Variants in PHF2 observed in about 807,000 individuals in gnomAD.
PHF2 encodes the protein lysine-specific demethylase PHF2.
A neutral mutation model predicts 120.5 loss-of-function variants in PHF2; 27 were observed. The observed-to-expected ratio is 0.22, with a 90% CI of 0.17 to 0.31. The LOEUF (loss-of-function observed/expected upper bound fraction) is 0.31, where lower values mean the gene tolerates loss of function less well. Ranked by LOEUF, PHF2 falls within the 10% of genes least tolerant of loss-of-function variation. The probability of loss-of-function intolerance (pLI) is 1.00; values close to 1 mark genes in which losing one functional copy is unlikely to be tolerated. For synonymous variants in PHF2, 568 were observed against 592.5 expected, an observed-to-expected ratio of 0.96 and a Z score of 0.60; for missense variants, 1,024 against 1,434.8, an observed-to-expected ratio of 0.71 and a Z score of 4.63.
At chr9:93,612,678 C>T (rs1414446828) in intron 1 of PHF2, among the ~76,000 whole-genome samples, 5 of 152,244 alleles carry the variant, frequency 3.3e-5, no homozygotes. Context: ...ACATATGACT[C>T]ATTTGCAAGC....
intron 6 of PHF2, 49 bp from the exon 7 acceptor site, chr9:93,654,364 A>T: frequency 6.3e-7 from 1 of 1,587,104 alleles, no homozygotes; most frequent in Non-Finnish European, 8.6e-7. Flanking sequence ...TGCACCCCCG[A>T]CCCCCGCATC....
chr9:93,630,778 G>A (rs1489740069), intron 2 of PHF2, among the ~76,000 whole-genome samples: 1 of 152,144 alleles, frequency 6.6e-6, no homozygotes, highest in Non-Finnish European at 1.5e-5. Context: ...ACTCGGGAGG[G>A]GTGTGGCCTG....
intron 1 of PHF2, among the ~76,000 whole-genome samples, chr9:93,585,107 A>G (rs1863014040): frequency 6.6e-6 from 1 of 152,254 alleles, no homozygotes; most frequent in African/African-American, 2.4e-5. Context: ...AGAACTGTAC[A>G]TGCGCAGGGT....
chr9:93,603,674 G>A (rs1825487000), intron 1 of PHF2, among the ~76,000 whole-genome samples: 1 of 152,122 alleles, frequency 6.6e-6, no homozygotes, highest in South Asian at 2.1e-4. Flanking sequence ...GACATGCTGG[G>A]TGCTACCCTA....
chr9:93,651,489 T>C (rs1168203526), intron 5 of PHF2, among the ~76,000 whole-genome samples: 1 of 152,140 alleles, frequency 6.6e-6, no homozygotes, highest in African/African-American at 2.4e-5. Context: ...TGGAGTGGGC[T>C]CTGCTTCATC....
intron 2 of PHF2, among the ~76,000 whole-genome samples, chr9:93,633,791 T>C (rs150305352): frequency 2.6e-5 from 4 of 152,182 alleles, no homozygotes; most frequent in East Asian, 1.9e-4. Context: ...ATAATGACCA[T>C]GCAGACAGGT....
At chr9:93,661,243 G>C (rs1478392860) in intron 12 of PHF2, among the ~76,000 whole-genome samples, 2 of 152,292 alleles carry the variant, frequency 1.3e-5, no homozygotes, top group African/African-American at 4.8e-5. Context: ...CATTGAGTGT[G>C]AGTTTCTGCC....
At chr9:93,619,372 C>T (rs777490661) in intron 1 of PHF2, among the ~76,000 whole-genome samples, 5 of 152,066 alleles carry the variant, frequency 3.3e-5, no homozygotes, top group East Asian at 1.9e-4. Flanking sequence ...GGGCCTGATT[C>T]GGCGTCCTGG....
intron 17 of PHF2, among the ~76,000 whole-genome samples, chr9:93,670,150 G>C (rs1225677213): frequency 2.0e-5 from 3 of 152,240 alleles, no homozygotes; most frequent in Non-Finnish European, 4.4e-5. Flanking sequence ...TGATGCTGAT[G>C]CAAGAGTCCT....
chr9:93,631,153 T>G (rs1825995672), intron 2 of PHF2, among the ~76,000 whole-genome samples: 1 of 152,196 alleles, frequency 6.6e-6, no homozygotes, highest in Non-Finnish European at 1.5e-5. Flanking sequence ...TTCTGTGAGC[T>G]GAGGCTGGGT....
In PHF2 at chr9:93,657,208, G is replaced by A. The variant is rs78763959; in HGVS notation, c.1147+613G>A. Among the ~76,000 whole-genome samples, 754 of 152,316 alleles carry A rather than the reference G, an allele frequency of 5.0e-3. 6 individuals are homozygous for A. The highest frequency in any genetic ancestry group is 0.016 in the African/African-American group (674 of 41,568). On this transcript the variant is annotated intron_variant, in intron 9 of 21. Coordinates refer to ENST00000359246, the MANE Select transcript of PHF2 (RefSeq NM_005392.4). ...CCTGCAGGAGAGTTTGCATTTATGC[G>A]TGATTTCCTTTCTCGGTGTGGTTGC...
At position 93,665,786 on chromosome 9, in the gene PHF2, G is replaced by A. The variant is rs1434809621; in HGVS notation, c.2038G>A (p.Val680Met). The A allele has an allele frequency of 6.2e-6, 10 of 1,613,976 alleles. No homozygotes were observed. The highest frequency in any genetic ancestry group is 2.2e-5 in the South Asian group (2 of 91,090). ...PKPVRDEYEY[V>M]SDDGELKIDE... ...GCCCGTGCGGGATGAGTATGAGTAC[G>A]TGTCGGATGACGGTGAGCTCAAGAT... Residue 680 changes from valine (V) to methionine (M), a missense_variant, in exon 15 of 22, where the codon GTG becomes ATG. By Grantham distance (21) the Val-to-Met change is conservative (BLOSUM62 1). Around this residue, in one of 2 missense-constraint regions of PHF2, gnomAD observed 677 missense variants for 857.4 expected, o/e 0.79. Transcript: ENST00000359246.
intron 17 of PHF2, 45 bp downstream of exon 17, chr9:93,667,285 G>A: frequency 6.3e-7 from 1 of 1,583,746 alleles, no homozygotes; most frequent in Non-Finnish European, 8.6e-7. Flanking sequence ...GGACCAGGCA[G>A]GCCCAGGGCT....
intron 1 of PHF2, among the ~76,000 whole-genome samples, chr9:93,599,883 T>C (rs1825407953): frequency 6.6e-6 from 1 of 152,210 alleles, no homozygotes; most frequent in East Asian, 1.9e-4. Flanking sequence ...GTTTGCTGAG[T>C]CTGGCCACCC....
intron 2 of PHF2, among the ~76,000 whole-genome samples, chr9:93,630,775 AG>A (rs1259060069): frequency 6.6e-6 from 1 of 151,970 alleles, no homozygotes; most frequent in African/African-American, 2.4e-5. Flanking sequence ...AGGACTCGGG[AG>A]GGGTGTGGCC....
At chr9:93,597,281 T>C (rs1029652432) in intron 1 of PHF2, among the ~76,000 whole-genome samples, 6 of 152,166 alleles carry the variant, frequency 3.9e-5, no homozygotes, top group Non-Finnish European at 7.4e-5. Context: ...GGAATCTGGC[T>C]AGGCTGCAGG....
rs748181432 is a variant in PHF2, at chr9:93,655,992, C to G, written c.1011C>G (p.Leu337=). The change falls in exon 8 of 22, where the codon CTC becomes CTG. Residue 337 remains leucine, a synonymous_variant. Coordinates refer to ENST00000359246, the MANE Select transcript of PHF2 (RefSeq NM_005392.4). The part of the protein sequence containing the change: ...VDCLAFAGHF[L]HSLSVEMQMR... Reference sequence around the variant, plus strand: ...GCCTGGCCTTCGCGGGACATTTCCTCCACAGCCTGAGTGTGGAGATGCAGA... The same window carrying G: ...GCCTGGCCTTCGCGGGACATTTCCTGCACAGCCTGAGTGTGGAGATGCAGA... The G allele has an allele frequency of 6.2e-7, 1 of 1,612,694 alleles. No individual in the cohort carries two copies. The highest frequency in any genetic ancestry group is 8.5e-7 in the Non-Finnish European group (1 of 1,179,724).
Position 93,577,804 on chromosome 9 carries a change from C to T in PHF2, c.98+933C>T, listed in dbSNP as rs552795654. Among the ~76,000 whole-genome samples the T allele has an allele frequency of 1.2e-4, 18 of 152,338 alleles. No individual in the cohort carries two copies. In the South Asian group the frequency reaches 3.1e-3, roughly 26 times the overall value. On this transcript the variant is annotated intron_variant, in intron 1 of 21. Transcript: ENST00000359246. ...CTGGCCCCATGCCTAGGGCAGGTCC[C>T]TTCCCACCAAGAAGTAAATGGAGGA...
chr9:93,621,643 C>G (rs1825828731), intron 1 of PHF2, among the ~76,000 whole-genome samples: 1 of 152,188 alleles, frequency 6.6e-6, no homozygotes, highest in South Asian at 2.1e-4. Context: ...GGACTGGATC[C>G]CCACCTGACC....
Sources: gnomAD v4.1 joint callset for allele counts (sites outside exome capture counted in the v4.1 genomes callset) on GRCh38, gnomAD v4.1.1 for gene constraint, gnomAD v4.1.1 regional missense constraint, MANE v1.5 for transcripts, NCBI Gene and HGNC (gene_info 2026-07-23, HGNC 2026-07-21) for gene names.